GRM7: variants seen among roughly 807,000 people sequenced by gnomAD.
GRM7 encodes metabotropic glutamate receptor 7.
A neutral mutation model predicts 84.5 loss-of-function variants in GRM7; 35 were observed. The ratio of observed to expected loss-of-function variants is 0.41; its 90% CI spans 0.32 to 0.55. The LOEUF (loss-of-function observed/expected upper bound fraction) is 0.55. GRM7 is among the 20% of genes least tolerant of loss of function. The probability of loss-of-function intolerance (pLI) is 0.19; values close to 1 mark genes in which losing one functional copy is unlikely to be tolerated. For missense variants in GRM7, 1,003 were observed against 1,194.6 expected, an observed-to-expected ratio of 0.84 and a Z score of 2.36; for synonymous variants, 487 against 455.1, an observed-to-expected ratio of 1.07 and a Z score of -0.89.
chr3:7,687,584 TC>T (rs1029457098), intron 9 of GRM7, among the ~76,000 whole-genome samples: 1 of 152,132 alleles, frequency 6.6e-6, no homozygotes, highest in Admixed American at 6.5e-5. Context: ...GAGAGACCTG[TC>T]TCTAGAGAGA....
At chr3:7,442,288 A>T (rs1386901463) in intron 5 of GRM7, among the ~76,000 whole-genome samples, 1 of 152,162 alleles carries the variant, frequency 6.6e-6, no homozygotes, top group African/African-American at 2.4e-5. Context: ...ATTGGTATAT[A>T]GAAATGCTAC....
chr3:7,149,708 C>T (rs1029592756), intron 2 of GRM7, among the ~76,000 whole-genome samples: 1 of 152,120 alleles, frequency 6.6e-6, no homozygotes, highest in African/African-American at 2.4e-5. Context: ...TTGACACATG[C>T]TTTAACTTTT....
chr3:7,608,804 G>T (rs1442087845), intron 8 of GRM7, among the ~76,000 whole-genome samples: 2 of 152,070 alleles, frequency 1.3e-5, no homozygotes, highest in African/African-American at 4.8e-5. Context: ...CTATGTCCGG[G>T]ATAGTAATGC....
intron 1 of GRM7, among the ~76,000 whole-genome samples, chr3:6,871,798 CA>C (rs1695130650): frequency 2.6e-5 from 4 of 152,084 alleles, no homozygotes; most frequent in Middle Eastern, 3.4e-3. Flanking sequence ...TTCTAGTGTT[CA>C]GGGGGAAAGC....
At chr3:7,117,380 A>G (rs1164407963) in intron 1 of GRM7, among the ~76,000 whole-genome samples, 1 of 152,216 alleles carries the variant, frequency 6.6e-6, no homozygotes, top group Non-Finnish European at 1.5e-5. Flanking sequence ...ACAACATTCT[A>G]AACCAAGACT....
rs113079637 is a variant in GRM7 at position 7,708,503 on chromosome 3, G to T, written c.2698+28208G>T. 1.7e-4 allele frequency among the ~76,000 whole-genome samples: 26 copies of T among 152,262 alleles called. 1 individual carries two copies. Among genetic ancestry groups the T allele is most frequent in the African/African-American group, 5.8e-4 (24 of 41,566 alleles). On this transcript the variant is annotated intron_variant, in intron 9 of 9. Coordinates refer to ENST00000357716, the MANE Select transcript of GRM7 (RefSeq NM_000844.4). The stretch of plus-strand genomic sequence containing the variant: ...GTCTGATCCATGTCTTGAAGTGATC[G>T]GGGGTTGCCAGAGAGGAAGGTCATG...
chr3:7,139,961 T>C (rs1693895175), intron 1 of GRM7, among the ~76,000 whole-genome samples: 1 of 151,688 alleles, frequency 6.6e-6, no homozygotes, highest in African/African-American at 2.4e-5. Context: ...TTCACACAAA[T>C]CAAAATCAGG....
intron 9 of GRM7, among the ~76,000 whole-genome samples, chr3:7,724,585 C>T (rs1422110708): frequency 6.6e-6 from 1 of 152,170 alleles, no homozygotes; most frequent in African/African-American, 2.4e-5. Flanking sequence ...TGTCAGTTTC[C>T]TCACCACTTT....
chr3:7,588,868 A>G (rs959399958), intron 8 of GRM7, among the ~76,000 whole-genome samples: 4 of 152,186 alleles, frequency 2.6e-5, no homozygotes, highest in Non-Finnish European at 4.4e-5. Flanking sequence ...TTAGTGATTT[A>G]TCACTTGCAA....
chr3:7,553,446 C>T (rs1423907866), intron 7 of GRM7, among the ~76,000 whole-genome samples: 1 of 152,204 alleles, frequency 6.6e-6, no homozygotes, highest in Non-Finnish European at 1.5e-5. Flanking sequence ...TAGCAGCACC[C>T]CATTCCTGGT....
chr3:7,321,292 G>A (rs1355910641), intron 4 of GRM7, among the ~76,000 whole-genome samples: 1 of 152,024 alleles, frequency 6.6e-6, no homozygotes, highest in African/African-American at 2.4e-5. Flanking sequence ...ATTTAGATAA[G>A]AATCCTATTT....
At chr3:7,645,303 C>A (rs1475956691) in intron 8 of GRM7, among the ~76,000 whole-genome samples, 1 of 151,994 alleles carries the variant, frequency 6.6e-6, no homozygotes, top group Non-Finnish European at 1.5e-5. Context: ...AATCCCAGCA[C>A]TTTGGGAGGC....
chr3:7,414,983 T>G (rs1696101808), intron 4 of GRM7, 40 bp from the exon 5 acceptor site: 2 of 1,530,966 alleles, frequency 1.3e-6, no homozygotes, highest in Non-Finnish European at 8.9e-7. Flanking sequence ...GTGCCAGCAG[T>G]GCCCCGCAAG....
chr3:7,094,712 G>A (rs1698792289), intron 1 of GRM7, among the ~76,000 whole-genome samples: 1 of 152,018 alleles, frequency 6.6e-6, no homozygotes, highest in Non-Finnish European at 1.5e-5. Flanking sequence ...TGTAACTTGG[G>A]GAAAAGTAAT....
intron 9 of GRM7, among the ~76,000 whole-genome samples, chr3:7,726,564 C>A (rs1206945087): frequency 7.3e-6 from 1 of 137,782 alleles, no homozygotes; most frequent in Non-Finnish European, 1.5e-5. Flanking sequence ...TATGTAATCA[C>A]CACTCACTAA....
At chr3:7,390,767 T>C (rs1323626073) in intron 4 of GRM7, among the ~76,000 whole-genome samples, 1 of 152,122 alleles carries the variant, frequency 6.6e-6, no homozygotes, top group Non-Finnish European at 1.5e-5. Flanking sequence ...TCTGTCCTCT[T>C]TGTGTTAGAT....
chr3:7,124,620 C>T (rs1000292579), intron 1 of GRM7, among the ~76,000 whole-genome samples: 2 of 152,230 alleles, frequency 1.3e-5, no homozygotes, highest in East Asian at 1.9e-4. Flanking sequence ...AGGATAGACA[C>T]AAAATTTAGC....
chr3:7,657,422 A>T (rs570476022), intron 8 of GRM7, among the ~76,000 whole-genome samples: 1 of 152,346 alleles, frequency 6.6e-6, no homozygotes, highest in East Asian at 1.9e-4. Context: ...GTTACTATTT[A>T]CCCAATCCAA....
chr3:7,335,633 G>T lies in GRM7; in HGVS notation c.1033+28981G>T, dbSNP rs567770560. Among the ~76,000 whole-genome samples, 62 of 151,978 alleles carry T rather than the reference G, an allele frequency of 4.1e-4. 1 individual carries two copies. The South Asian group carries it at 6.0e-3, about 15-fold the overall frequency. On this transcript the variant is annotated intron_variant, in intron 4 of 9. Transcript: ENST00000357716. ...AAACAAAAAGCTGTTTCTTTGAAAA[G>T]ATAAGCAAAATCAATAGACCATTAG...
Sources: allele counts gnomAD v4.1 joint callset (sites outside exome capture counted in the v4.1 genomes callset), GRCh38; gene constraint gnomAD v4.1.1; transcripts MANE v1.5; gene names NCBI Gene and HGNC (gene_info 2026-07-23, HGNC 2026-07-21).